Variants in ANOS1 observed in about 807,000 individuals in gnomAD.
The protein encoded by ANOS1 is anosmin 1.
In ANOS1, 6 loss-of-function variants were observed where a neutral mutation model predicts 59.0. That is an observed-to-expected ratio of 0.10 (90% CI 0.06 to 0.20). The LOEUF is 0.20. Ranked by LOEUF, ANOS1 falls within the 10% of genes least tolerant of loss-of-function variation. The pLI, the probability that ANOS1 is intolerant of heterozygous loss-of-function variation, is 1.00. For missense variants in ANOS1, 433 were observed against 542.3 expected, an observed-to-expected ratio of 0.80 and a Z score of 2.00; for synonymous variants, 217 against 223.4, an observed-to-expected ratio of 0.97 and a Z score of 0.25.
chrX:8,586,473 C>T (rs1183103826), intron 5 of ANOS1, among the ~76,000 whole-genome samples: 1 of 111,897 alleles, frequency 8.9e-6, no homozygotes, highest in Admixed American at 9.5e-5. Context: ...GTATCCACAG[C>T]GTTTAGCAGA....
chrX:8,625,939 T>C (rs12010497), intron 2 of ANOS1, among the ~76,000 whole-genome samples: 14,224 of 106,994 alleles, frequency 0.13, 1,469 homozygotes, highest in African/African-American at 0.32. Context: ...GGTGAAAACC[T>C]GTCTCTACTA....
chrX:8,565,555 G>C (rs1930096196), intron 8 of ANOS1, among the ~76,000 whole-genome samples: 1 of 112,248 alleles, frequency 8.9e-6, no homozygotes, highest in Admixed American at 9.5e-5. Flanking sequence ...TACTAATTAG[G>C]AGACTATTTC....
chrX:8,580,837 C>G (rs1485055740), intron 6 of ANOS1, among the ~76,000 whole-genome samples: 1 of 111,215 alleles, frequency 9.0e-6, no homozygotes, highest in African/African-American at 3.3e-5. Context: ...CTTGACCCAG[C>G]CTTAAGTTAT....
chrX:8,614,897 A>G (rs1290439401), intron 3 of ANOS1, among the ~76,000 whole-genome samples: 3 of 110,636 alleles, frequency 2.7e-5, no homozygotes, highest in African/African-American at 9.7e-5. Flanking sequence ...TATATTTTAT[A>G]AAAAATATAA....
chrX:8,634,508 T>C (rs965948316), intron 2 of ANOS1, among the ~76,000 whole-genome samples: 14 of 111,742 alleles, frequency 1.3e-4, no homozygotes, highest in Non-Finnish European at 2.1e-4. Flanking sequence ...TGTCTGTTCA[T>C]TTACATATTG....
At chrX:8,616,502 C>T (rs942361729) in intron 3 of ANOS1, among the ~76,000 whole-genome samples, 1 of 111,384 alleles carries the variant, frequency 9.0e-6, no homozygotes, top group African/African-American at 3.3e-5. Context: ...ACCTAAATTC[C>T]AAACTCCTAT....
chrX:8,615,325 A>G (rs1206745652), intron 3 of ANOS1, among the ~76,000 whole-genome samples: 1 of 110,843 alleles, frequency 9.0e-6, no homozygotes, highest in Non-Finnish European at 1.9e-5. Flanking sequence ...CGGGTGGATC[A>G]CGAGGTCAGG....
chrX:8,651,051 C>T (rs188178992), intron 2 of ANOS1, among the ~76,000 whole-genome samples: 6 of 112,845 alleles, frequency 5.3e-5, no homozygotes, highest in African/African-American at 9.6e-5. Context: ...ACAGTGTCTC[C>T]GGACGGGAGC....
intron 6 of ANOS1, among the ~76,000 whole-genome samples, chrX:8,571,111 C>CAA (rs201277459): frequency 0.22 from 12,260 of 55,615 alleles, 1,466 homozygotes; most frequent in African/African-American, 0.39. Context: ...GACACTGTCT[C>CAA]AAAAAAAAAA....
intron 3 of ANOS1, among the ~76,000 whole-genome samples, chrX:8,607,306 G>C (rs1330663164): frequency 8.9e-6 from 1 of 111,949 alleles, no homozygotes; most frequent in Non-Finnish European, 1.9e-5. Flanking sequence ...TAATTTCTTA[G>C]ATGTGATTGC....
intron 2 of ANOS1, among the ~76,000 whole-genome samples, chrX:8,673,230 C>T (rs1298911964): frequency 9.2e-6 from 1 of 109,289 alleles, no homozygotes; most frequent in East Asian, 2.8e-4. Flanking sequence ...ATGTTCCATG[C>T]ACGGCAAACA....
At chrX:8,725,577 TAC>T (rs1932906702) in intron 1 of ANOS1, among the ~76,000 whole-genome samples, 1 of 81,697 alleles carries the variant, frequency 1.2e-5, no homozygotes, top group Non-Finnish European at 2.2e-5. Flanking sequence ...TATACATATA[TAC>T]AGATATATAT....
intron 3 of ANOS1, among the ~76,000 whole-genome samples, chrX:8,602,707 G>A (rs1011729955): frequency 1.8e-5 from 2 of 110,018 alleles, no homozygotes; most frequent in Admixed American, 9.7e-5. Flanking sequence ...TTAATTTCAC[G>A]AATCACACAA....
At chrX:8,594,420 C>T (rs769565300) in intron 4 of ANOS1, among the ~76,000 whole-genome samples, 1 of 106,028 alleles carries the variant, frequency 9.4e-6, no homozygotes, top group East Asian at 3.1e-4. Flanking sequence ...ACATCAGTCC[C>T]CCTCTCCTCT....
chrX:8,643,700 C>G (rs1174616092), intron 2 of ANOS1, among the ~76,000 whole-genome samples: 1 of 111,798 alleles, frequency 8.9e-6, no homozygotes, highest in African/African-American at 3.3e-5. Flanking sequence ...AGTCTACCAC[C>G]TTTTAAAGGG....
chrX:8,563,151 G>A (rs1298521726), intron 8 of ANOS1, among the ~76,000 whole-genome samples: 1 of 112,036 alleles, frequency 8.9e-6, no homozygotes, highest in East Asian at 2.8e-4. Flanking sequence ...CCCAAACAAT[G>A]TGTGTTACTA....
chrX:8,722,732 A>G (rs1307423177), intron 1 of ANOS1, among the ~76,000 whole-genome samples: 1 of 112,308 alleles, frequency 8.9e-6, no homozygotes, highest in African/African-American at 3.2e-5. Context: ...GTAGATATCC[A>G]GTAGTGGGAT....
At chrX:8,637,868 A>C (rs112573625) in intron 2 of ANOS1, among the ~76,000 whole-genome samples, 1,653 of 112,414 alleles carry the variant, frequency 0.015, 39 homozygotes, top group African/African-American at 0.051. Context: ...GGCAAAAAGA[A>C]AACAGAAGAT....
chrX:8,570,136 C>A (rs1405766698), intron 7 of ANOS1, among the ~76,000 whole-genome samples: 28 of 95,802 alleles, frequency 2.9e-4, no homozygotes, highest in Non-Finnish European at 1.8e-4. Context: ...GGATCTCTCT[C>A]TCTCAAAAAA....
Sources: allele counts gnomAD v4.1 joint callset (sites outside exome capture counted in the v4.1 genomes callset), GRCh38; gene constraint gnomAD v4.1.1; transcripts MANE v1.5; gene names NCBI Gene and HGNC (gene_info 2026-07-23, HGNC 2026-07-21).